The following NAALAD2 variants were observed in gnomAD, a reference collection of about 807,000 sequenced individuals.
NAALAD2 encodes N-acetylated alpha-linked acidic dipeptidase 2.
A neutral mutation model predicts 95.6 loss-of-function variants in NAALAD2; 89 were observed. The ratio of observed to expected loss-of-function variants is 0.93; its 90% confidence interval spans 0.78 to 1.11. NAALAD2 has a LOEUF of 1.11. NAALAD2 is among the 50% of genes least tolerant of loss of function. The pLI, the probability that NAALAD2 is intolerant of heterozygous loss-of-function variation, is 0.00. For synonymous variants in NAALAD2, 264 were observed against 294.4 expected, an observed-to-expected ratio of 0.90 and a Z score of 1.06; for missense variants, 894 against 872.4, an observed-to-expected ratio of 1.02 and a Z score of -0.31.
intron 18 of NAALAD2, among the ~76,000 whole-genome samples, chr11:90,183,242 T>G (rs964995007): frequency 6.6e-6 from 1 of 152,104 alleles, no homozygotes; most frequent in African/African-American, 2.4e-5. Context: ...AAGAACTCTT[T>G]CTAACAAAAT....
chr11:90,156,027 G>A (rs1193491801), intron 6 of NAALAD2, among the ~76,000 whole-genome samples: 1 of 150,870 alleles, frequency 6.6e-6, no homozygotes, highest in African/African-American at 2.4e-5. Flanking sequence ...TGAGCATAGA[G>A]TGGTTTATAA....
chr11:90,151,785 A>T (rs116502149), intron 5 of NAALAD2, among the ~76,000 whole-genome samples: 573 of 152,270 alleles, frequency 3.8e-3, no homozygotes, highest in African/African-American at 0.013. Flanking sequence ...TGTTTACAAA[A>T]ACCCTGGGCT....
intron 2 of NAALAD2, among the ~76,000 whole-genome samples, chr11:90,144,522 C>T (rs1192572112): frequency 1.3e-5 from 2 of 151,838 alleles, no homozygotes; most frequent in Non-Finnish European, 2.9e-5. Context: ...GAGTGGATCA[C>T]CTGAGGTCAG....
At chr11:90,154,824 T>TTACATA (rs1951988640) in intron 6 of NAALAD2, among the ~76,000 whole-genome samples, 2 of 144,930 alleles carry the variant, frequency 1.4e-5, no homozygotes, top group African/African-American at 5.1e-5. Context: ...ATATGTAATA[T>TTACATA]GTAATGTTAC....
At chr11:90,131,986 G>A (rs1951359377), upstream of NAALAD2, 1 of 152,232 alleles carries the variant, frequency 6.6e-6, no homozygotes, top group African/African-American at 2.4e-5. Flanking sequence ...TGTTAAGTGT[G>A]CTTTGCAAAG....
intron 16 of NAALAD2, among the ~76,000 whole-genome samples, chr11:90,180,198 G>T (rs183100782): frequency 1.1e-4 from 16 of 152,190 alleles, no homozygotes; most frequent in Admixed American, 3.9e-4. Flanking sequence ...TCTTGCAAAA[G>T]TCGTCATTGA....
At chr11:90,173,790 C>T (rs764319238) in intron 13 of NAALAD2, 34 bp from the exon 14 acceptor site, 5 of 1,494,948 alleles carry the variant, frequency 3.3e-6, no homozygotes, top group Non-Finnish European at 3.7e-6. Context: ...GTTGCTTCTA[C>T]CCCTAATTTC....
intron 2 of NAALAD2, among the ~76,000 whole-genome samples, chr11:90,141,446 A>G (rs901741612): frequency 6.6e-6 from 1 of 151,986 alleles, no homozygotes; most frequent in African/African-American, 2.4e-5. Context: ...GCTTTGTTAG[A>G]TTTGCATCTT....
chr11:90,152,651 T>C (rs934356976), intron 6 of NAALAD2, among the ~76,000 whole-genome samples, 167 bp downstream of exon 6: 2 of 152,186 alleles, frequency 1.3e-5, no homozygotes, highest in African/African-American at 4.8e-5. Context: ...TCTTGTATTA[T>C]TTTAGTTTTA....
chr11:90,140,347 G>A (rs1279490337), intron 2 of NAALAD2, among the ~76,000 whole-genome samples: 5 of 151,962 alleles, frequency 3.3e-5, no homozygotes, highest in East Asian at 3.9e-4. Flanking sequence ...GTATGCCTAC[G>A]TTTTGATACA....
intron 18 of NAALAD2, among the ~76,000 whole-genome samples, chr11:90,191,346 A>G (rs1158628370): frequency 6.6e-6 from 1 of 150,470 alleles, no homozygotes; most frequent in African/African-American, 2.5e-5. Context: ...GCAACATGGT[A>G]TATGATTCCT....
rs1951755762 is a variant in NAALAD2 at position 90,146,549 on chromosome 11, G to A, written c.195-781G>A. Among the ~76,000 whole-genome samples the A allele has an allele frequency of 2.6e-5, 4 of 151,512 alleles. No individual in the cohort carries two copies. In the South Asian group the frequency reaches 6.3e-4, roughly 24 times the overall value. On this transcript the variant is annotated intron_variant, in intron 2 of 18. Transcript: ENST00000534061. Reference sequence around the variant, plus strand: ...AATTTTTTGTATTTTTGGTAGATACGGGGTAGTTCAAGACCATGTTGGCCA... The same window carrying A: ...AATTTTTTGTATTTTTGGTAGATACAGGGTAGTTCAAGACCATGTTGGCCA...
intron 6 of NAALAD2, among the ~76,000 whole-genome samples, chr11:90,155,497 TTA>T (rs1170392034): frequency 8.9e-6 from 1 of 111,796 alleles, no homozygotes; most frequent in East Asian, 2.4e-4. Context: ...ATATAATATA[TTA>T]TATATAATTA....
chr11:90,154,865 ATTATATAC>A (rs1363121162), intron 6 of NAALAD2, among the ~76,000 whole-genome samples: 65 of 136,212 alleles, frequency 4.8e-4, no homozygotes, highest in African/African-American at 1.4e-3. Context: ...ATATGTATAT[ATTATATAC>A]GTATACATAA....
At chr11:90,146,282 TAAA>T (rs760910686) in intron 2 of NAALAD2, among the ~76,000 whole-genome samples, 2 of 108,398 alleles carry the variant, frequency 1.8e-5, no homozygotes, top group Admixed American at 2.0e-4. Context: ...TCCGGTTAAC[TAAA>T]AAAAAAAAAA....
chr11:90,159,359 A>C (rs72956831), intron 8 of NAALAD2, 22 bp downstream of exon 8: 43,571 of 1,528,624 alleles, frequency 0.029, 773 homozygotes, highest in Non-Finnish European at 0.035. Flanking sequence ...TTACTTTAAT[A>C]GTCTGAAAAA....
chr11:90,181,786 T>A, intron 17 of NAALAD2, 85 bp downstream of exon 17: 1 of 837,796 alleles, frequency 1.2e-6, no homozygotes, highest in South Asian at 1.6e-5. Context: ...ATATTAGCAT[T>A]AACCTCTAAA....
At chr11:90,139,752 C>G (rs1442880819) in intron 2 of NAALAD2, among the ~76,000 whole-genome samples, 1 of 152,040 alleles carries the variant, frequency 6.6e-6, no homozygotes, top group Non-Finnish European at 1.5e-5. Flanking sequence ...CCTACACCCA[C>G]ATAAAAGCTA....
chr11:90,184,024 A>G (rs1857047982), intron 18 of NAALAD2, among the ~76,000 whole-genome samples: 1 of 152,102 alleles, frequency 6.6e-6, no homozygotes, highest in Non-Finnish European at 1.5e-5. Context: ...TCTCTGGTGG[A>G]AATTAGAAAG....
Sources: gnomAD v4.1 joint callset for allele counts (sites outside exome capture counted in the v4.1 genomes callset) on GRCh38, gnomAD v4.1.1 for gene constraint, MANE v1.5 for transcripts, NCBI Gene and HGNC (gene_info 2026-07-23, HGNC 2026-07-21) for gene names.